Variants in BCL2L12 observed in about 807,000 individuals in gnomAD.
BCL2L12 encodes BCL2 like 12.
BCL2L12 carries 27 observed loss-of-function variants against 25.7 expected under a neutral mutation model. The ratio of observed to expected loss-of-function variants is 1.05; its 90% CI spans 0.78 to 1.45. The LOEUF is 1.45. BCL2L12 is among the 40% of genes most tolerant of loss of function. The probability of loss-of-function intolerance (pLI) is 0.00; values close to 1 mark genes in which losing one functional copy is unlikely to be tolerated. For synonymous variants in BCL2L12, 132 were observed against 145.6 expected (o/e 0.91, Z 0.67); for missense variants, 302 against 329.8 (o/e 0.92, Z 0.65).
In BCL2L12 at chr19:49,672,690, C is replaced by T. The variant is rs1258463132; in HGVS notation, c.703-1008C>T. On this transcript the variant is annotated intron_variant, in intron 6 of 6. Transcript: ENST00000246784. The surrounding 1 kb of genome is among the most constrained non-coding windows in gnomAD (Gnocchi z 4.1). ...GGGGACAGACTAAAGGATGCTGGCC[C>T]GAGCAGCTGCAGGGCGACATCTTAA... Among the ~76,000 whole-genome samples, 2 of 149,122 alleles carry T rather than the reference C, an allele frequency of 1.3e-5. No individual in the cohort carries two copies. Among genetic ancestry groups the T allele is most frequent in the African/African-American group, 5.0e-5 (2 of 40,068 alleles).
At chr19:49,666,294 G>A (rs1278369231) in intron 1 of BCL2L12, among the ~76,000 whole-genome samples, 1 of 152,334 alleles carries the variant, frequency 6.6e-6, no homozygotes, top group South Asian at 2.1e-4. Flanking sequence ...GGTAGTTCCC[G>A]ATGCTTTAAG....
intron 5 of BCL2L12, among the ~76,000 whole-genome samples, chr19:49,669,571 G>A (rs1381906162): frequency 6.6e-6 from 1 of 151,506 alleles, no homozygotes; most frequent in Non-Finnish European, 1.5e-5. Context: ...TTGAATGACA[G>A]GGGTATGGTT....
rs1420940539 is a variant in BCL2L12 at position 49,673,799 on chromosome 19, T to A, written c.*51T>A. ...ATGACACCTCATGTCCCTGCCCTCT[T>A]CGTGTGCTTTTCCAAGTCTTCCTAT... On this transcript the variant is annotated 3_prime_UTR_variant, in exon 7 of 7. Transcript: ENST00000246784. The A allele has an allele frequency of 6.2e-7, 1 of 1,603,164 alleles. No individual in the cohort carries two copies. The highest frequency in any genetic ancestry group is 1.7e-5 in the Admixed American group (1 of 59,922).
chr19:49,668,974 GGGAGGATAGTCAGGGTTCT>G, intron 4 of BCL2L12, 31 bp from the exon 5 acceptor site: 1 of 1,613,960 alleles, frequency 6.2e-7, no homozygotes. Flanking sequence ...GGATGGCGGT[GGGAGGATAGTCAGGGTTCT>G]GCCCCCAGCC....
Position 49,673,828 on chromosome 19 carries a change from A to G in BCL2L12, c.*80A>G. ...GTGCTTTTCCAAGTCTTCCTATTCC[A>G]CTCAGGGCTGTGGGGTGGTGGTTGC... On this transcript the variant is annotated 3_prime_UTR_variant, in exon 7 of 7. Coordinates refer to ENST00000246784, the MANE Select transcript of BCL2L12 (RefSeq NM_138639.2). The G allele has an allele frequency of 1.3e-6, 2 of 1,541,166 alleles. No individual in the cohort carries two copies. The highest frequency in any genetic ancestry group is 1.8e-6 in the Non-Finnish European group (2 of 1,117,678).
upstream of BCL2L12, chr19:49,665,861 CT>C (rs761932915): frequency 2.5e-6 from 4 of 1,609,636 alleles, no homozygotes; most frequent in Non-Finnish European, 2.5e-6. Context: ...CCCCTATGCC[CT>C]TTTTTGGGTT....
At chr19:49,673,639 C>A (rs1324427617) in intron 6 of BCL2L12, 59 bp from the exon 7 acceptor site, 2 of 1,408,636 alleles carry the variant, frequency 1.4e-6, no homozygotes, top group African/African-American at 1.4e-5. Context: ...GATGTGGACG[C>A]TGCTGTATGG....
upstream of BCL2L12, chr19:49,665,555 T>C (rs750659339): frequency 2.4e-6 from 1 of 423,998 alleles, no homozygotes; most frequent in South Asian, 3.6e-5. Context: ...CTTTCCACTC[T>C]CCGTGCAGAC....
rs2122859227 is a variant in BCL2L12 at position 49,670,493 on chromosome 19, G to A, written c.702+5G>A. The A allele has an allele frequency of 1.3e-6, 2 of 1,536,902 alleles. No individual in the cohort carries two copies. The highest frequency in any genetic ancestry group is 1.7e-6 in the Non-Finnish European group (2 of 1,144,038). Reference sequence around the variant, plus strand: ...ATCCAGGCCCACGGGGGCTGGGTGAGCCGCTGAAGCCTCTCTCTCCGGGCC... The same window carrying A: ...ATCCAGGCCCACGGGGGCTGGGTGAACCGCTGAAGCCTCTCTCTCCGGGCC... On this transcript the variant is annotated splice_donor_5th_base_variant and intron_variant, in intron 6 of 6. Transcript: ENST00000246784.
chr19:49,665,949 C>T lies in BCL2L12; in HGVS notation c.-127C>T, dbSNP rs148185263. ...GCGTTCCGCCCTTTCTACGCTGGGC[C>T]GGTTATCGACCCGGCCCAGTGCGCA... On this transcript the variant is annotated 5_prime_UTR_variant, in exon 1 of 7. Coordinates refer to ENST00000246784, the MANE Select transcript of BCL2L12 (RefSeq NM_138639.2). 5.0e-5 allele frequency: 81 copies of T among 1,613,484 alleles called. No homozygotes were observed. The highest frequency in any genetic ancestry group is 8.0e-5 in the African/African-American group (6 of 74,934).
At chr19:49,668,766 C>A in intron 3 of BCL2L12, 85 bp from the exon 4 acceptor site, 1 of 1,288,446 alleles carries the variant, frequency 7.8e-7, no homozygotes, top group Non-Finnish European at 1.1e-6. Flanking sequence ...GGAATCATTG[C>A]CACCTGCCAA....
chr19:49,670,090 G>C, intron 5 of BCL2L12, 126 bp from the exon 6 acceptor site: 2 of 1,286,802 alleles, frequency 1.6e-6, no homozygotes, highest in Non-Finnish European at 2.1e-6. Context: ...GGCTAATATG[G>C]ATGAGGGGTG....
At chr19:49,665,816 A>G (rs763388210), upstream of BCL2L12, 5 of 1,585,030 alleles carry the variant, frequency 3.2e-6, no homozygotes, top group East Asian at 4.5e-5. Flanking sequence ...TAACAGACCC[A>G]AAAGCCGATG....
intron 5 of BCL2L12, among the ~76,000 whole-genome samples, chr19:49,669,367 C>T (rs1232104717): frequency 6.6e-6 from 1 of 151,940 alleles, no homozygotes; most frequent in Non-Finnish European, 1.5e-5. Context: ...GAAACCCCAT[C>T]TCTACTAAAA....
upstream of BCL2L12, chr19:49,665,358 C>G (rs2081634652): frequency 5.7e-6 from 1 of 174,802 alleles, no homozygotes. Context: ...AGAGCACGCC[C>G]CAGGTTTCGA....
intron 6 of BCL2L12, among the ~76,000 whole-genome samples, chr19:49,670,764 T>C (rs575299314): frequency 6.6e-6 from 1 of 152,116 alleles, no homozygotes; most frequent in South Asian, 2.1e-4. Context: ...ATGCCTGTAA[T>C]CCCAGCACTT....
intron 6 of BCL2L12, among the ~76,000 whole-genome samples, chr19:49,673,160 T>C (rs2081994992): frequency 6.6e-6 from 1 of 152,014 alleles, no homozygotes. Flanking sequence ...CTACCACGCC[T>C]GGACAATTTC....
upstream of BCL2L12, chr19:49,665,204 A>G (rs936651930): frequency 4.1e-6 from 1 of 243,098 alleles, no homozygotes; most frequent in Middle Eastern, 1.5e-3. Context: ...TGCAGAATCG[A>G]TTCACGTGTA....
At position 49,673,899 on chromosome 19, in the gene BCL2L12, T is replaced by A; in HGVS notation, c.*151T>A. The A allele has an allele frequency of 1.3e-6, 1 of 784,692 alleles. No individual in the cohort carries two copies. The highest frequency in any genetic ancestry group is 2.0e-6 in the Non-Finnish European group (1 of 504,228). The allele number at this position is 784,692 out of a possible 1,614,324, so 48.6% of individuals were successfully genotyped here. On this transcript the variant is annotated 3_prime_UTR_variant, in exon 7 of 7. Coordinates refer to ENST00000246784, the MANE Select transcript of BCL2L12 (RefSeq NM_138639.2). ...ATAAATTGTTTAAAACTTTTCTTATTAAAAACGTTACAAAGTATTCAATTG... is the reference window on the plus strand; with the variant it reads ...ATAAATTGTTTAAAACTTTTCTTATAAAAAACGTTACAAAGTATTCAATTG...
Sources: allele counts gnomAD v4.1 joint callset (sites outside exome capture counted in the v4.1 genomes callset), GRCh38; gene constraint gnomAD v4.1.1; non-coding constraint Gnocchi (gnomAD v3.1); transcripts MANE v1.5; gene names NCBI Gene and HGNC (gene_info 2026-07-23, HGNC 2026-07-21).